The following CLVS1 variants were observed in gnomAD, a reference collection of about 807,000 sequenced individuals.
The protein encoded by CLVS1 is clavesin-1.
Under a neutral mutation model 33.1 loss-of-function variants are expected in CLVS1, and 10 were observed. The ratio of observed to expected loss-of-function variants is 0.30; its 90% confidence interval spans 0.19 to 0.51. The LOEUF is 0.51. Ranked by LOEUF, CLVS1 falls within the 20% of genes least tolerant of loss-of-function variation. The pLI is 0.97. For missense variants in CLVS1, 343 were observed against 433.4 expected (o/e 0.79, Z 1.85); for synonymous variants, 163 against 166.1 (o/e 0.98, Z 0.14).
intron 2 of CLVS1, among the ~76,000 whole-genome samples, chr8:61,199,294 G>C (rs534273038): frequency 6.6e-6 from 1 of 152,128 alleles, no homozygotes; most frequent in Admixed American, 6.5e-5. Context: ...CACAGCAGAA[G>C]AAATAATCAA....
intron 2 of CLVS1, among the ~76,000 whole-genome samples, chr8:61,149,569 C>CAAAAAAAAAAAAAAAAA (rs1212944878): frequency 8.3e-6 from 1 of 120,272 alleles, no homozygotes; most frequent in Non-Finnish European, 1.7e-5. Context: ...AAAAAAAAAA[C>CAAAAAAAAAAAAAAAAA]AAAAAACAAA....
chr8:61,257,614 T>G (rs903934994), intron 2 of CLVS1, among the ~76,000 whole-genome samples: 1 of 152,168 alleles, frequency 6.6e-6, no homozygotes, highest in East Asian at 1.9e-4. Context: ...ACAGTGGGCT[T>G]ACTGAGTATT....
chr8:61,027,070 C>A, the CLVS1 span, among the ~76,000 whole-genome samples: 1 of 152,134 alleles, frequency 6.6e-6, no homozygotes, highest in Non-Finnish European at 1.5e-5. Flanking sequence ...TTAAGTAAAC[C>A]TTCAGCAATA....
At chr8:61,319,298 A>G (rs1811115945) in intron 2 of CLVS1, among the ~76,000 whole-genome samples, 1 of 152,118 alleles carries the variant, frequency 6.6e-6, no homozygotes, top group South Asian at 2.1e-4. Context: ...TTGCTTCCTT[A>G]TGCAAGGATT....
chr8:61,450,568 G>C (rs1292656173), intron 3 of CLVS1, among the ~76,000 whole-genome samples: 1 of 152,154 alleles, frequency 6.6e-6, no homozygotes, highest in Non-Finnish European at 1.5e-5. Flanking sequence ...ATAAATATGT[G>C]CTGAATTGAA....
intron 2 of CLVS1, among the ~76,000 whole-genome samples, chr8:61,143,316 T>G (rs1020195737): frequency 1.3e-5 from 2 of 152,232 alleles, no homozygotes; most frequent in Non-Finnish European, 2.9e-5. Context: ...ATTCGCACTG[T>G]GGTCCAGCTC....
At chr8:61,417,574 C>T (rs1815488867) in intron 3 of CLVS1, among the ~76,000 whole-genome samples, 1 of 152,124 alleles carries the variant, frequency 6.6e-6, no homozygotes, top group African/African-American at 2.4e-5. Context: ...TTCAAAGAGC[C>T]TTCCATGGAG....
chr8:60,972,946 A>T, the CLVS1 span, among the ~76,000 whole-genome samples: 1 of 152,324 alleles, frequency 6.6e-6, no homozygotes, highest in Middle Eastern at 3.4e-3. Flanking sequence ...GACAAGATGA[A>T]CCCATTGGGT....
chr8:61,319,611 C>G (rs187193010), intron 2 of CLVS1, among the ~76,000 whole-genome samples: 1 of 152,130 alleles, frequency 6.6e-6, no homozygotes, highest in Admixed American at 6.5e-5. Flanking sequence ...CTCCATAAGG[C>G]TTCAAGACCC....
intron 2 of CLVS1, among the ~76,000 whole-genome samples, chr8:61,256,112 C>A (rs1365359349): frequency 6.6e-6 from 1 of 152,182 alleles, no homozygotes; most frequent in African/African-American, 2.4e-5. Flanking sequence ...AAAACAATAA[C>A]TCCCAATTCC....
chr8:61,311,934 G>T (rs965742271), intron 2 of CLVS1, among the ~76,000 whole-genome samples: 1 of 152,206 alleles, frequency 6.6e-6, no homozygotes, highest in Non-Finnish European at 1.5e-5. Flanking sequence ...GTAAAAGAGG[G>T]CATGTAGAAA....
intron 2 of CLVS1, among the ~76,000 whole-genome samples, chr8:61,231,639 T>C (rs1259515641): frequency 6.6e-6 from 1 of 152,204 alleles, no homozygotes; most frequent in Non-Finnish European, 1.5e-5. Context: ...ATATTATGGA[T>C]GGCAAATAAC....
chr8:61,406,224 C>T (rs2129603786), intron 3 of CLVS1, among the ~76,000 whole-genome samples: 1 of 152,330 alleles, frequency 6.6e-6, no homozygotes, highest in South Asian at 2.1e-4. Flanking sequence ...TCTTCAATTT[C>T]CATTACTTCT....
At chr8:61,283,779 A>G (rs574399953), upstream of CLVS1, among the ~76,000 whole-genome samples, 4 of 152,196 alleles carry the variant, frequency 2.6e-5, no homozygotes, top group Admixed American at 6.5e-5. Context: ...ACAGCCTATC[A>G]TGTCCTGGAA....
intron 2 of CLVS1, among the ~76,000 whole-genome samples, chr8:61,273,565 C>T (rs998772163): frequency 1.9e-4 from 29 of 152,370 alleles, no homozygotes; most frequent in African/African-American, 6.5e-4. Context: ...CAAGCCCGGG[C>T]AATGGCGGGC....
chr8:61,208,870 G>A (rs1807914992), intron 2 of CLVS1, among the ~76,000 whole-genome samples: 1 of 152,208 alleles, frequency 6.6e-6, no homozygotes, highest in Non-Finnish European at 1.5e-5. Context: ...ACAGGTGTGA[G>A]CCAGCACACC....
At chr8:61,280,646 G>C (rs548801707) in intron 2 of CLVS1, among the ~76,000 whole-genome samples, 2 of 152,310 alleles carry the variant, frequency 1.3e-5, no homozygotes, top group South Asian at 4.1e-4. Flanking sequence ...AAAGAAACTA[G>C]ATATACATTT....
intron 2 of CLVS1, among the ~76,000 whole-genome samples, chr8:61,248,155 G>A (rs1585720170): frequency 6.6e-6 from 1 of 151,988 alleles, no homozygotes; most frequent in Non-Finnish European, 1.5e-5. Flanking sequence ...TGCCTGTTTT[G>A]GTATTAGTAC....
At chr8:61,462,626 G>T (rs1330770471) in intron 5 of CLVS1, among the ~76,000 whole-genome samples, 1 of 152,124 alleles carries the variant, frequency 6.6e-6, no homozygotes, top group Non-Finnish European at 1.5e-5. Flanking sequence ...AGAGCTCTTG[G>T]GTAACCAGGA....
Sources: allele counts gnomAD v4.1 joint callset (sites outside exome capture counted in the v4.1 genomes callset), GRCh38; gene constraint gnomAD v4.1.1; transcripts MANE v1.5; gene names NCBI Gene and HGNC (gene_info 2026-07-23, HGNC 2026-07-21).